The following AGAP1 variants were observed in gnomAD, a reference collection of about 807,000 sequenced individuals.
AGAP1 encodes the protein ArfGAP with GTPase domain, ankyrin repeat and PH domain 1.
AGAP1 carries 29 observed loss-of-function variants against 105.3 expected under a neutral mutation model. The ratio of observed to expected loss-of-function variants is 0.28; its 90% CI spans 0.21 to 0.38. AGAP1 has a LOEUF of 0.38. Among genes scored for constraint, AGAP1 ranks in the 10% least tolerant of loss-of-function variants. The pLI, the probability that AGAP1 is intolerant of heterozygous loss-of-function variation, is 1.00. For synonymous variants in AGAP1, 509 were observed against 485.9 expected (o/e 1.05, Z -0.63); for missense variants, 998 against 1,165.1 (o/e 0.86, Z 2.09).
chr2:236,071,580 G>A (rs898189160), intron 16 of AGAP1, among the ~76,000 whole-genome samples: 2 of 152,260 alleles, frequency 1.3e-5, no homozygotes, highest in Non-Finnish European at 1.5e-5. Flanking sequence ...ACGGTAAACA[G>A]TTCAGCCAGT....
At chr2:236,093,564 A>C (rs1576288374) in intron 16 of AGAP1, among the ~76,000 whole-genome samples, 2 of 152,236 alleles carry the variant, frequency 1.3e-5, no homozygotes, top group African/African-American at 4.8e-5. Flanking sequence ...ACCAAAAAGA[A>C]GAGTAGGGTT....
At position 235,700,712 on chromosome 2, in the gene AGAP1, A is replaced by G. The variant is rs1950204750; in HGVS notation, c.164-8467A>G. 6.6e-6 allele frequency among the ~76,000 whole-genome samples: 1 copy of G among 151,978 alleles called. No homozygotes were observed. Among genetic ancestry groups the G allele is most frequent in the African/African-American group, 2.4e-5 (1 of 41,376 alleles). On this transcript the variant is annotated intron_variant, in intron 1 of 17. Coordinates refer to ENST00000304032, the MANE Select transcript of AGAP1 (RefSeq NM_001037131.3). The surrounding 1 kb of genome is among the most constrained non-coding windows in gnomAD (Gnocchi z 6.1). ...CTACTCAAGAGACTGAGGCGGGAGA[A>G]TCACTTGAACCCTGGAGGCATAGGT...
rs1369552391 is a variant in AGAP1, at chr2:235,960,949, T to TGA, written c.1484-7512_1484-7511dup. On this transcript the variant is annotated intron_variant, in intron 12 of 17. Coordinates refer to ENST00000304032, the MANE Select transcript of AGAP1 (RefSeq NM_001037131.3). The surrounding 1 kb of genome is among the most constrained non-coding windows in gnomAD (Gnocchi z 4.9). ...GTCGCGAAATTGATACACTGCTGTG[T>TGA]GATACACCAGAAAGTGGTCCGTTCC... 6.6e-6 allele frequency among the ~76,000 whole-genome samples: 1 copy of TGA among 152,212 alleles called. No individual in the cohort carries two copies. The highest frequency in any genetic ancestry group is 6.5e-5 in the Admixed American group (1 of 15,288).
At position 236,119,193 on chromosome 2, in the gene AGAP1, A is replaced by C. The variant is rs3768920; in HGVS notation, c.2115-999A>C. Among the ~76,000 whole-genome samples, 1 of 150,966 alleles carries C rather than the reference A, an allele frequency of 6.6e-6. No homozygotes were observed. Among genetic ancestry groups the C allele is most frequent in the Non-Finnish European group, 1.5e-5 (1 of 67,752 alleles). On this transcript the variant is annotated intron_variant, in intron 16 of 17. Coordinates refer to ENST00000304032, the MANE Select transcript of AGAP1 (RefSeq NM_001037131.3). This position sits in a 1 kb window ranked among gnomAD's most constrained non-coding sequence, Gnocchi z 6.6. ...GGGCGGGCAGGCATCAGCATCATCC[A>C]CTCTCCACACCTCCGACCCCATCCA...
intron 9 of AGAP1, among the ~76,000 whole-genome samples, chr2:235,871,791 G>T (rs78534267): frequency 0.014 from 2,099 of 152,314 alleles, 45 homozygotes; most frequent in African/African-American, 0.048. Flanking sequence ...GTGCTGCTAG[G>T]CTTTCTCGAG....
intron 1 of AGAP1, among the ~76,000 whole-genome samples, chr2:235,533,748 T>A (rs942644417): frequency 6.6e-6 from 1 of 152,252 alleles, no homozygotes; most frequent in African/African-American, 2.4e-5. Flanking sequence ...GAGGAGCTGT[T>A]ACTGCTCCTG....
rs1951803779 is a variant in AGAP1 at position 235,729,079 on chromosome 2, G to T, written c.310+11435G>T. ...GGCTGGGCTCCAGGGCTCCAGCCAG[G>T]CTATTAGCAGGAGCACTGGCTTTGG... On this transcript the variant is annotated intron_variant, in intron 3 of 17. Coordinates refer to ENST00000304032, the MANE Select transcript of AGAP1 (RefSeq NM_001037131.3). This position sits in a 1 kb window ranked among gnomAD's most constrained non-coding sequence, Gnocchi z 5.0. 6.6e-6 allele frequency among the ~76,000 whole-genome samples: 1 copy of T among 152,112 alleles called. No individual in the cohort carries two copies. Among genetic ancestry groups the T allele is most frequent in the South Asian group, 2.1e-4 (1 of 4,832 alleles).
At position 236,053,958 on chromosome 2, in the gene AGAP1, C is replaced by T. The variant is rs968802713; in HGVS notation, c.2114+4677C>T. The stretch of plus-strand genomic sequence containing the variant: ...CTTCCCCCCATTATTTGTAAGTTCA[C>T]CTCTGTGCCTAAACTCCCTTCTTGT... On this transcript the variant is annotated intron_variant, in intron 16 of 17. Transcript: ENST00000304032. This position sits in a 1 kb window ranked among gnomAD's most constrained non-coding sequence, Gnocchi z 4.6. Among the ~76,000 whole-genome samples the T allele has an allele frequency of 1.3e-5, 2 of 152,184 alleles. No individual in the cohort carries two copies. Among genetic ancestry groups the T allele is most frequent in the African/African-American group, 4.8e-5 (2 of 41,438 alleles).
At chr2:235,507,891 G>C (rs1941893496) in intron 1 of AGAP1, among the ~76,000 whole-genome samples, 1 of 152,154 alleles carries the variant, frequency 6.6e-6, no homozygotes, top group Non-Finnish European at 1.5e-5. Context: ...CTGGTGTACA[G>C]ATTATTACAA....
Position 236,096,924 on chromosome 2 carries a change from G to A in AGAP1, c.2115-23268G>A, listed in dbSNP as rs376041901. 2.6e-4 allele frequency among the ~76,000 whole-genome samples: 39 copies of A among 152,214 alleles called. No individual in the cohort carries two copies. The South Asian group carries it at 4.8e-3, about 19-fold the overall frequency. On this transcript the variant is annotated intron_variant, in intron 16 of 17. Transcript: ENST00000304032. The surrounding 1 kb of genome is among the most constrained non-coding windows in gnomAD (Gnocchi z 4.4). ...TGAAGTTTCATCCTTGCCGTATCAC[G>A]TGGCCAATCCATTCATCTGACTTTT...
chr2:235,508,281 A>G (rs1379902038), intron 1 of AGAP1, among the ~76,000 whole-genome samples: 1 of 152,244 alleles, frequency 6.6e-6, no homozygotes, highest in African/African-American at 2.4e-5. Flanking sequence ...ACACAATAGA[A>G]CAATTATATT....
chr2:236,079,255 T>TA lies in AGAP1; in HGVS notation c.2114+29975dup, dbSNP rs58886690. Among the ~76,000 whole-genome samples, 1,234 of 151,874 alleles carry TA rather than the reference T, an allele frequency of 8.1e-3. 14 individuals are homozygous for TA. The highest frequency in any genetic ancestry group is 0.028 in the African/African-American group (1,149 of 41,390). On this transcript the variant is annotated intron_variant, in intron 16 of 17. Coordinates refer to ENST00000304032, the MANE Select transcript of AGAP1 (RefSeq NM_001037131.3). ...CCCATGCTGGCCAGGCACGGTGGCT[T>TA]ACACCTGTAATCCCAGCACTTTGGG...
In AGAP1 at chr2:235,951,506, A is replaced by G. The variant is rs1190734286; in HGVS notation, c.1484-16956A>G. Among the ~76,000 whole-genome samples, 2 of 152,088 alleles carry G rather than the reference A, an allele frequency of 1.3e-5. No individual in the cohort carries two copies. Among genetic ancestry groups the G allele is most frequent in the Non-Finnish European group, 2.9e-5 (2 of 68,024 alleles). On this transcript the variant is annotated intron_variant, in intron 12 of 17. Transcript: ENST00000304032. This position sits in a 1 kb window ranked among gnomAD's most constrained non-coding sequence, Gnocchi z 4.2. The stretch of plus-strand genomic sequence containing the variant: ...TCCTCTGAACTTTGTTCTTCTCGTT[A>G]TTTTTGGAATGATTGCAGGGTTGGT...
chr2:235,798,940 A>G (rs2150047821), intron 7 of AGAP1, among the ~76,000 whole-genome samples: 1 of 151,998 alleles, frequency 6.6e-6, no homozygotes, highest in South Asian at 2.1e-4. Context: ...ATCTTGAAAT[A>G]CTTTTCAAAA....
intron 10 of AGAP1, among the ~76,000 whole-genome samples, chr2:235,902,280 A>T (rs2051100841): frequency 6.6e-6 from 1 of 152,230 alleles, no homozygotes; most frequent in Non-Finnish European, 1.5e-5. Flanking sequence ...TTCCTCTTGC[A>T]CACTTCACCA....
chr2:235,933,536 A>ATTTTTTTTTTTTTTTTTTTTTTTT (rs71036300), intron 12 of AGAP1, among the ~76,000 whole-genome samples: 1 of 141,986 alleles, frequency 7.0e-6, no homozygotes, highest in African/African-American at 2.6e-5. Context: ...TTTTCTAAGG[A>ATTTTTTTTTTTTTTTTTTTTTTTT]TTTTTTTTTT....
rs569166533 is a variant in AGAP1 at position 236,122,266 on chromosome 2, A to T, written c.2371-1653A>T. Among the ~76,000 whole-genome samples the T allele has an allele frequency of 7.7e-4, 117 of 152,226 alleles. 2 individuals are homozygous for T. The South Asian group carries it at 0.022, about 29-fold the overall frequency. On this transcript the variant is annotated intron_variant, in intron 17 of 17. Coordinates refer to ENST00000304032, the MANE Select transcript of AGAP1 (RefSeq NM_001037131.3). ...CAGCCCAGCCTTTTCCTCTTCTCAT[A>T]TAGATACTAACCCTATTGTGACCTC...
Position 235,989,936 on chromosome 2 carries a change from C to T in AGAP1, c.1645+21313C>T, listed in dbSNP as rs1211769737. 3.3e-5 allele frequency among the ~76,000 whole-genome samples: 5 copies of T among 152,038 alleles called. No homozygotes were observed. The highest frequency in any genetic ancestry group is 7.4e-5 in the Non-Finnish European group (5 of 68,014). ...AGCAATCTGGACAGTTTAGATCATT[C>T]AAATGCGTAGCCGGGGTTGGGAACC... is the stretch of plus-strand genomic sequence containing the variant. On this transcript the variant is annotated intron_variant, in intron 13 of 17. Coordinates refer to ENST00000304032, the MANE Select transcript of AGAP1 (RefSeq NM_001037131.3). This position sits in a 1 kb window ranked among gnomAD's most constrained non-coding sequence, Gnocchi z 4.4.
chr2:235,910,290 G>C (rs563645746), intron 11 of AGAP1, among the ~76,000 whole-genome samples: 1 of 5,906 alleles, frequency 1.7e-4, no homozygotes, highest in African/African-American at 2.0e-3. Flanking sequence ...TGTGTTGCAG[G>C]GGGGCGGTGT....
Sources: gnomAD v4.1 joint callset for allele counts (sites outside exome capture counted in the v4.1 genomes callset) on GRCh38, gnomAD v4.1.1 for gene constraint, Gnocchi (gnomAD v3.1) non-coding constraint, MANE v1.5 for transcripts, NCBI Gene and HGNC (gene_info 2026-07-23, HGNC 2026-07-21) for gene names.